Variants in ZNF684 observed in about 807,000 individuals in gnomAD.
ZNF684 encodes hypothetical protein MGC27466.
Under a neutral mutation model 12.8 loss-of-function variants are expected in ZNF684, and 13 were observed. The ratio of observed to expected loss-of-function variants is 1.02; its 90% CI spans 0.66 to 1.62. ZNF684 has a LOEUF of 1.62. Among genes scored for constraint, ZNF684 ranks in the 40% most tolerant of loss-of-function variants. The pLI is 0.00. For synonymous variants in ZNF684, 118 were observed against 151.8 expected, an observed-to-expected ratio of 0.78 and a Z score of 1.64; for missense variants, 384 against 446.9, an observed-to-expected ratio of 0.86 and a Z score of 1.27.
At chr1:40,541,542 G>A in intron 3 of ZNF684, 73 bp from the exon 4 acceptor site, 1 of 1,216,222 alleles carries the variant, frequency 8.2e-7, no homozygotes, top group Non-Finnish European at 1.2e-6. Flanking sequence ...GACTCAAGGA[G>A]GTAACCCAAG....
In ZNF684 at chr1:40,541,714, AGT is replaced by A. The variant is rs748985188; in HGVS notation, c.238+6_238+7del. 1.9e-6 allele frequency: 3 copies of A among 1,611,132 alleles called. No homozygotes were observed. In the South Asian group the frequency reaches 3.3e-5, roughly 18 times the overall value. On this transcript the variant is annotated splice_donor_5th_base_variant and intron_variant, in intron 4 of 4. Transcript: ENST00000372699. ...AATCCACACGAGAGCTCTCCAGGTG[AGT>A]GAGAGAAATTCAGATGGGGCTGTGT... is the stretch of plus-strand genomic sequence containing the variant.
intron 4 of ZNF684, among the ~76,000 whole-genome samples, chr1:40,545,200 T>A (rs1051126834): frequency 6.6e-6 from 1 of 152,210 alleles, no homozygotes; most frequent in Non-Finnish European, 1.5e-5. Flanking sequence ...CCAATGGCTG[T>A]AGCCCACTAC....
chr1:40,532,330 C>T (rs928070618), intron 1 of ZNF684, among the ~76,000 whole-genome samples: 1 of 150,640 alleles, frequency 6.6e-6, no homozygotes, highest in African/African-American at 2.4e-5. Context: ...AACTGAGATT[C>T]AAACTCAGAT....
At position 40,536,915 on chromosome 1, in the gene ZNF684, G is replaced by A. The variant is rs558149779; in HGVS notation, c.16-3671G>A. On this transcript the variant is annotated intron_variant, in intron 2 of 4. Transcript: ENST00000372699. ...CATTTTCTTAATCCAGTCTATCATT[G>A]TTGGACATTTGGGTTGGTTCCAAGT... Among the ~76,000 whole-genome samples, 935 of 150,686 alleles carry A rather than the reference G, an allele frequency of 6.2e-3. 9 individuals carry two copies. The highest frequency in any genetic ancestry group is 0.021 in the African/African-American group (877 of 41,006).
intron 2 of ZNF684, among the ~76,000 whole-genome samples, chr1:40,537,249 C>G (rs970066289): frequency 6.6e-6 from 1 of 152,078 alleles, no homozygotes; most frequent in Non-Finnish European, 1.5e-5. Context: ...ATGGCACTTA[C>G]GTTTACTTTG....
rs1646056205 is a variant in ZNF684 at position 40,547,504 on chromosome 1, A to G, written c.*44A>G. 1 of 1,455,276 alleles carries G rather than the reference A, an allele frequency of 6.9e-7. No homozygotes were observed. The highest frequency in any genetic ancestry group is 1.4e-5 in the African/African-American group (1 of 69,910). The allele number at this position is 1,455,276 out of a possible 1,614,324, so 90.1% of individuals were successfully genotyped here. A position where few individuals can be genotyped will look rare whatever the true frequency, so the allele number is the denominator to read the frequency against. On this transcript the variant is annotated 3_prime_UTR_variant, in exon 5 of 5. Coordinates refer to ENST00000372699, the MANE Select transcript of ZNF684 (RefSeq NM_152373.4). ...GAGAAGGCCTTATTAAATATTTGCT[A>G]AATCTTATTAAATACTAAAGAATTC...
Position 40,546,866 on chromosome 1 carries a change from T to C in ZNF684, c.543T>C (p.His181=), listed in dbSNP as rs761857025. ...KFHFIRHEKN[H]TRKKPFECND... is the part of the protein sequence containing the mutation. ...ATTTCATTAGACATGAAAAAAATCA[T>C]ACAAGGAAAAAACCTTTTGAATGCA... The change falls in exon 5 of 5, where the codon CAT becomes CAC. Residue 181 remains histidine, a synonymous_variant. Coordinates refer to ENST00000372699, the MANE Select transcript of ZNF684 (RefSeq NM_152373.4). 3.1e-6 allele frequency: 5 copies of C among 1,613,190 alleles called. No individual in the cohort carries two copies. The highest frequency in any genetic ancestry group is 2.2e-5 in the East Asian group (1 of 44,880).
chr1:40,534,591 A>G (rs1645974679), intron 2 of ZNF684, among the ~76,000 whole-genome samples: 1 of 152,094 alleles, frequency 6.6e-6, no homozygotes, highest in African/African-American at 2.4e-5. Flanking sequence ...TAATTCCTGT[A>G]CATTTCTTAT....
intron 4 of ZNF684, among the ~76,000 whole-genome samples, chr1:40,543,764 G>A (rs137977580): frequency 0.021 from 3,250 of 152,106 alleles, 46 homozygotes; most frequent in Middle Eastern, 0.082. Context: ...CTTATATACC[G>A]TTTTCTTCTC....
rs370263555 is a variant in ZNF684, at chr1:40,540,551, C to T, written c.16-35C>T. On this transcript the variant is annotated intron_variant, in intron 2 of 4. Coordinates refer to ENST00000372699, the MANE Select transcript of ZNF684 (RefSeq NM_152373.4). Reference sequence around the variant, plus strand: ...TTCTCTTGCAAGTTCGCTAGTGATACACACTTTAGTTTGAAGATAAATGTG... The same window carrying T: ...TTCTCTTGCAAGTTCGCTAGTGATATACACTTTAGTTTGAAGATAAATGTG... 11 of 1,547,258 alleles carry T rather than the reference C, an allele frequency of 7.1e-6. No homozygotes were observed. In the African/African-American group the frequency reaches 1.5e-4, roughly 21 times the overall value.
At chr1:40,533,211 T>G (rs1370503081) in intron 2 of ZNF684, 30 bp downstream of exon 2, 1 of 1,610,060 alleles carries the variant, frequency 6.2e-7, no homozygotes. Context: ...ATCCAGTTGT[T>G]TAAATCTCCC....
intron 4 of ZNF684, among the ~76,000 whole-genome samples, chr1:40,543,759 A>G (rs975608832): frequency 2.8e-4 from 43 of 152,134 alleles, no homozygotes; most frequent in Non-Finnish European, 3.7e-4. Flanking sequence ...CCCAGCTTAT[A>G]TACCGTTTTC....
At chr1:40,544,543 G>C (rs751389895) in intron 4 of ZNF684, 42 of 272,884 alleles carry the variant, frequency 1.5e-4, no homozygotes, top group Non-Finnish European at 3.7e-5. Context: ...GTAGAGACAC[G>C]GTTTCACCAT....
In ZNF684 at chr1:40,546,641, A is replaced by G. The variant is rs2124513291; in HGVS notation, c.318A>G (p.Thr106=). ...KDNFLKSVLL[T]FNKILTMERI... is the part of the protein sequence containing the mutation. ...ATTTTTTGAAGTCAGTTTTGCTCAC[A>G]TTCAATAAAATTCTGACTATGGAGA... The change falls in exon 5 of 5, where the codon ACA becomes ACG. Residue 106 remains threonine, a synonymous_variant. Transcript: ENST00000372699. The G allele has an allele frequency of 6.2e-7, 1 of 1,600,914 alleles. No homozygotes were observed. Among genetic ancestry groups the G allele is most frequent in the South Asian group, 1.1e-5 (1 of 87,768 alleles).
At chr1:40,538,804 C>T (rs1278535300) in intron 2 of ZNF684, among the ~76,000 whole-genome samples, 1 of 149,762 alleles carries the variant, frequency 6.7e-6, no homozygotes, top group Non-Finnish European at 1.5e-5. Context: ...GCGTGGGTGA[C>T]AGAGTGAGAC....
At position 40,546,792 on chromosome 1, in the gene ZNF684, A is replaced by G. The variant is rs376112669; in HGVS notation, c.469A>G (p.Asn157Asp). 65 of 1,611,414 alleles carry G rather than the reference A, an allele frequency of 4.0e-5. 1 individual carries two copies. Among genetic ancestry groups the G allele is most frequent in the Middle Eastern group, 1.6e-4 (1 of 6,070 alleles). The part of the protein sequence containing the change: ...LKYNRSYTVE[N>D]AYECSECGKA... ...ATATAATAGAAGTTATACTGTAGAAAACGCTTATGAATGCAGTGAATGCGG... is the reference window on the plus strand; with the variant it reads ...ATATAATAGAAGTTATACTGTAGAAGACGCTTATGAATGCAGTGAATGCGG... The change falls in exon 5 of 5, where the codon AAC (asparagine) becomes GAC (aspartate). Residue 157 changes from asparagine (N) to aspartate (D), a missense_variant. Physicochemically the swap from Asn to Asp is conservative, Grantham distance 23. Coordinates refer to ENST00000372699, the MANE Select transcript of ZNF684 (RefSeq NM_152373.4).
intron 4 of ZNF684, 100 bp from the exon 5 acceptor site, chr1:40,546,462 T>C: frequency 8.3e-7 from 1 of 1,203,882 alleles, no homozygotes; most frequent in Non-Finnish European, 1.1e-6. Context: ...ATAAGATTTC[T>C]TTCAGAATGA....
chr1:40,535,296 A>C (rs1366748144), intron 2 of ZNF684, among the ~76,000 whole-genome samples: 1 of 152,232 alleles, frequency 6.6e-6, no homozygotes, highest in Non-Finnish European at 1.5e-5. Flanking sequence ...CCCACAGTAC[A>C]GTTGGCCCTG....
At chr1:40,545,733 GAT>G (rs1646042838) in intron 4 of ZNF684, among the ~76,000 whole-genome samples, 3 of 152,014 alleles carry the variant, frequency 2.0e-5, no homozygotes, top group Admixed American at 1.3e-4. Context: ...AAAGGAAACT[GAT>G]ACTGTGCAGA....
Sources: gnomAD v4.1 joint callset for allele counts (sites outside exome capture counted in the v4.1 genomes callset) on GRCh38, gnomAD v4.1.1 for gene constraint, MANE v1.5 for transcripts, NCBI Gene and HGNC (gene_info 2026-07-23, HGNC 2026-07-21) for gene names.